INIP: variants seen among roughly 807,000 people sequenced by gnomAD.
INIP encodes the protein SOSS complex subunit C.
In INIP, 9 loss-of-function variants were observed where a neutral mutation model predicts 14.0. The observed-to-expected ratio is 0.64, with a 90% CI of 0.39 to 1.12. The LOEUF is 1.12. Among genes scored for constraint, INIP ranks in the 50% most tolerant of loss-of-function variants. INIP has a pLI of 0.01. For synonymous variants in INIP, 37 were observed against 41.5 expected, an observed-to-expected ratio of 0.89 and a Z score of 0.41; for missense variants, 78 against 122.7, an observed-to-expected ratio of 0.64 and a Z score of 1.72.
At chr9:112,701,543 A>G (rs1461587272) in intron 2 of INIP, among the ~76,000 whole-genome samples, 2 of 152,240 alleles carry the variant, frequency 1.3e-5, no homozygotes, top group African/African-American at 4.8e-5. Context: ...GTGTTTAAGT[A>G]TACTGGAATG....
intron 2 of INIP, among the ~76,000 whole-genome samples, chr9:112,702,148 A>T (rs1838318600): frequency 6.6e-6 from 1 of 152,212 alleles, no homozygotes; most frequent in South Asian, 2.1e-4. Flanking sequence ...AAATTTTGTC[A>T]TGAGCAAAGT....
chr9:112,716,283 C>G (rs929665852), intron 2 of INIP, among the ~76,000 whole-genome samples, 178 bp downstream of exon 2: 1 of 152,028 alleles, frequency 6.6e-6, no homozygotes, highest in African/African-American at 2.4e-5. Flanking sequence ...CTCAAGCAGT[C>G]CACCCGACTT....
At chr9:112,712,888 C>T (rs1313840440) in intron 2 of INIP, among the ~76,000 whole-genome samples, 1 of 152,100 alleles carries the variant, frequency 6.6e-6, no homozygotes, top group Non-Finnish European at 1.5e-5. Context: ...TCAACAAACC[C>T]CAAACAAGAA....
intron 2 of INIP, among the ~76,000 whole-genome samples, chr9:112,713,170 A>G (rs1204500393): frequency 6.6e-6 from 1 of 152,252 alleles, no homozygotes; most frequent in Non-Finnish European, 1.5e-5. Flanking sequence ...TACTTCATAA[A>G]GGAAGATTTA....
Position 112,684,689 on chromosome 9 carries a change from C to CTGTT in INIP, c.*2845_*2848dup, listed in dbSNP as rs1837595235. ...TTTTCGGAAAAAATGCTGGTCAATC[C>CTGTT]TGTTAAACCATTAAGTTGGCTTCTC... On this transcript the variant is annotated 3_prime_UTR_variant, in exon 5 of 5. Coordinates refer to ENST00000374242, the MANE Select transcript of INIP (RefSeq NM_021218.3). 6.6e-6 allele frequency: 1 copy of CTGTT among 152,172 alleles called. No homozygotes were observed. Among genetic ancestry groups the CTGTT allele is most frequent in the African/African-American group, 2.4e-5 (1 of 41,436 alleles). The allele number at this position is 152,172 out of a possible 1,614,324, so 9.4% of individuals were successfully genotyped here. A position where few individuals can be genotyped will look rare whatever the true frequency, so the allele number is the denominator to read the frequency against.
intron 2 of INIP, 42 bp downstream of exon 2, chr9:112,716,419 T>C (rs763941050): frequency 1.2e-5 from 19 of 1,561,848 alleles, no homozygotes; most frequent in African/African-American, 4.1e-5. Flanking sequence ...ATTTACTATA[T>C]TGGGGAAATG....
In INIP at chr9:112,716,489, C is replaced by T; in HGVS notation, c.-4G>A. ...GTCCTGAAGAGTTTGCTGCCATTTT[C>T]CTATTTTGTTTCAAGTATGTCCAGT... On this transcript the variant is annotated 5_prime_UTR_variant, in exon 2 of 5. Transcript: ENST00000374242. The T allele has an allele frequency of 6.2e-7, 1 of 1,613,620 alleles. No individual in the cohort carries two copies.
intron 2 of INIP, among the ~76,000 whole-genome samples, chr9:112,713,355 T>G (rs935525929): frequency 6.6e-6 from 1 of 152,092 alleles, no homozygotes; most frequent in East Asian, 1.9e-4. Flanking sequence ...TATAAAACAG[T>G]ACAAAGAGAG....
chr9:112,707,995 A>G (rs1838532662), intron 2 of INIP, among the ~76,000 whole-genome samples: 1 of 152,234 alleles, frequency 6.6e-6, no homozygotes, highest in South Asian at 2.1e-4. Flanking sequence ...GCACAAAGTT[A>G]GGTTCTAAGG....
At chr9:112,712,571 C>T (rs1025089110) in intron 2 of INIP, among the ~76,000 whole-genome samples, 2 of 151,936 alleles carry the variant, frequency 1.3e-5, no homozygotes, top group African/African-American at 2.4e-5. Flanking sequence ...TAAATATGTT[C>T]AAAGACTTAA....
chr9:112,704,259 G>A lies in INIP; in HGVS notation c.26-10026C>T, dbSNP rs149137011. Among the ~76,000 whole-genome samples, 932 of 152,224 alleles carry A rather than the reference G, an allele frequency of 6.1e-3. 10 individuals are homozygous for A. Among genetic ancestry groups the A allele is most frequent in the Non-Finnish European group, 8.7e-3 (594 of 68,008 alleles). On this transcript the variant is annotated intron_variant, in intron 2 of 4. Coordinates refer to ENST00000374242, the MANE Select transcript of INIP (RefSeq NM_021218.3). The stretch of plus-strand genomic sequence containing the variant: ...ATGAGTTTGATCACACACAATGACC[G>A]AGTAGACATTGTGAGTTCTAAAACG...
In INIP at chr9:112,686,149, TA is replaced by T. The variant is rs1024386375; in HGVS notation, c.*1388del. ...ATAAGGTCAGTTACAAAAAGTTATATAAAATACTGTATCTGTGATACAGTGT... is the reference window on the plus strand; with the variant it reads ...ATAAGGTCAGTTACAAAAAGTTATATAAATACTGTATCTGTGATACAGTGT... On this transcript the variant is annotated 3_prime_UTR_variant, in exon 5 of 5. Coordinates refer to ENST00000374242, the MANE Select transcript of INIP (RefSeq NM_021218.3). 2.0e-5 allele frequency: 3 copies of T among 152,140 alleles called. No individual in the cohort carries two copies. The highest frequency in any genetic ancestry group is 4.8e-5 in the African/African-American group (2 of 41,432). 9.4% of individuals were successfully genotyped at this position (152,140 alleles called of 1,614,324 possible).
At chr9:112,707,680 A>G (rs1247683249) in intron 2 of INIP, among the ~76,000 whole-genome samples, 1 of 152,206 alleles carries the variant, frequency 6.6e-6, no homozygotes, top group African/African-American at 2.4e-5. Flanking sequence ...ATCTAAAGCT[A>G]AAAGTGAAAA....
At position 112,687,881 on chromosome 9, in the gene INIP, C is replaced by T. The variant is rs147815520; in HGVS notation, c.220-248G>A. Among the ~76,000 whole-genome samples, 40 of 152,044 alleles carry T rather than the reference C, an allele frequency of 2.6e-4. No individual in the cohort carries two copies. The East Asian group carries it at 3.1e-3, about 12-fold the overall frequency. On this transcript the variant is annotated intron_variant, in intron 4 of 4. Coordinates refer to ENST00000374242, the MANE Select transcript of INIP (RefSeq NM_021218.3). ...TGGGCGAATCACGAGGTCAGGAGATCGAGACCATCCTGGCTAACGTGGTGA... is the reference window on the plus strand; with the variant it reads ...TGGGCGAATCACGAGGTCAGGAGATTGAGACCATCCTGGCTAACGTGGTGA...
In INIP at chr9:112,699,029, A is replaced by T. The variant is rs141737330; in HGVS notation, c.26-4796T>A. On this transcript the variant is annotated intron_variant, in intron 2 of 4. Transcript: ENST00000374242. Reference sequence around the variant, plus strand: ...CTTATTTGCATTATTATTTTTATTTAAAAACGGGCCAGGTTCAGTGGTTCA... The same window carrying T: ...CTTATTTGCATTATTATTTTTATTTTAAAACGGGCCAGGTTCAGTGGTTCA... 1.1e-3 allele frequency among the ~76,000 whole-genome samples: 175 copies of T among 152,290 alleles called. 2 individuals carry two copies. Among genetic ancestry groups the T allele is most frequent in the East Asian group, 2.9e-3 (15 of 5,188 alleles).
chr9:112,717,897 CGCTGCCT>C (rs1356933273), intron 1 of INIP, 83 bp downstream of exon 1: 2 of 152,654 alleles, frequency 1.3e-5, no homozygotes, highest in Non-Finnish European at 2.9e-5. Flanking sequence ...GAAGGGAGGT[CGCTGCCT>C]GTAGCAACAA....
chr9:112,692,201 T>A (rs570079477), intron 3 of INIP, among the ~76,000 whole-genome samples: 2 of 151,992 alleles, frequency 1.3e-5, no homozygotes, highest in Admixed American at 1.3e-4. Flanking sequence ...CATCAATAAG[T>A]GAGAAAGTAA....
chr9:112,688,172 G>C (rs890124131), intron 4 of INIP, among the ~76,000 whole-genome samples: 7 of 152,122 alleles, frequency 4.6e-5, no homozygotes. Flanking sequence ...GAAATGGACA[G>C]TAATACAGAA....
intron 2 of INIP, among the ~76,000 whole-genome samples, chr9:112,710,303 T>C (rs2131312471): frequency 6.6e-6 from 1 of 152,256 alleles, no homozygotes; most frequent in East Asian, 1.9e-4. Flanking sequence ...TTATAGTTAC[T>C]ACTATAAGCA....
Sources: allele counts gnomAD v4.1 joint callset (sites outside exome capture counted in the v4.1 genomes callset), GRCh38; gene constraint gnomAD v4.1.1; transcripts MANE v1.5; gene names NCBI Gene and HGNC (gene_info 2026-07-23, HGNC 2026-07-21).